The following ABTB2 variants were observed in gnomAD, a reference collection of about 807,000 sequenced individuals.
ABTB2 encodes ankyrin repeat and BTB/POZ domain-containing protein 2.
ABTB2 carries 56 observed loss-of-function variants against 104.1 expected under a neutral mutation model. That is an observed-to-expected ratio of 0.54 (90% CI 0.43 to 0.67). The LOEUF (loss-of-function observed/expected upper bound fraction) is 0.67. Among genes scored for constraint, ABTB2 ranks in the 30% least tolerant of loss-of-function variants. The pLI, the probability that ABTB2 is intolerant of heterozygous loss-of-function variation, is 0.00. For missense variants in ABTB2, 1,279 were observed against 1,407.7 expected (o/e 0.91, Z 1.46); for synonymous variants, 606 against 608.2 (o/e 1.00, Z 0.05).
chr11:34,162,312 A>G (rs1852731809), intron 10 of ABTB2, among the ~76,000 whole-genome samples: 1 of 152,210 alleles, frequency 6.6e-6, no homozygotes, highest in Admixed American at 6.5e-5. Flanking sequence ...CCAGCCAGGC[A>G]GGGTGGAGGG....
intron 14 of ABTB2, among the ~76,000 whole-genome samples, chr11:34,157,134 C>A (rs1230452554): frequency 1.3e-5 from 2 of 152,336 alleles, no homozygotes; most frequent in East Asian, 3.9e-4. Context: ...TGACCCCAGA[C>A]TGATGGCTTC....
chr11:34,251,407 A>G (rs1186544303), intron 1 of ABTB2, among the ~76,000 whole-genome samples: 2 of 152,194 alleles, frequency 1.3e-5, no homozygotes, highest in South Asian at 4.1e-4. Flanking sequence ...AGAGAAATAC[A>G]GCCAGAAACA....
At chr11:34,256,184 C>T (rs941084105) in intron 1 of ABTB2, among the ~76,000 whole-genome samples, 3 of 151,910 alleles carry the variant, frequency 2.0e-5, no homozygotes, top group Non-Finnish European at 4.4e-5. Flanking sequence ...GCGGGGGGCA[C>T]CTAGAGACAA....
At chr11:34,229,562 T>C (rs561760392) in intron 1 of ABTB2, among the ~76,000 whole-genome samples, 2 of 152,076 alleles carry the variant, frequency 1.3e-5, no homozygotes, top group African/African-American at 4.8e-5. Flanking sequence ...TGGGTTTCCT[T>C]AAAACAAGTG....
chr11:34,230,884 T>C (rs767931371), intron 1 of ABTB2, among the ~76,000 whole-genome samples: 1 of 152,222 alleles, frequency 6.6e-6, no homozygotes, highest in Non-Finnish European at 1.5e-5. Flanking sequence ...TTTTTCTTTT[T>C]CTTTTTTGTA....
intron 14 of ABTB2, among the ~76,000 whole-genome samples, chr11:34,157,428 C>T (rs1852644665): frequency 6.6e-6 from 1 of 152,216 alleles, no homozygotes; most frequent in Non-Finnish European, 1.5e-5. Context: ...CCTCCCTTGG[C>T]CTGGCAGGTG....
chr11:34,259,238 G>A (rs1854159728), intron 1 of ABTB2, among the ~76,000 whole-genome samples: 1 of 152,212 alleles, frequency 6.6e-6, no homozygotes, highest in African/African-American at 2.4e-5. Flanking sequence ...AAGCTCATGT[G>A]TCTGGCCTGG....
At chr11:34,277,787 A>G (rs1364318197) in intron 1 of ABTB2, among the ~76,000 whole-genome samples, 1 of 149,654 alleles carries the variant, frequency 6.7e-6, no homozygotes, top group Non-Finnish European at 1.5e-5. Flanking sequence ...ATGAAACAAA[A>G]CAACAGATTC....
At chr11:34,323,736 G>A (rs1324094038) in intron 1 of ABTB2, among the ~76,000 whole-genome samples, 2 of 152,136 alleles carry the variant, frequency 1.3e-5, no homozygotes, top group Non-Finnish European at 2.9e-5. Flanking sequence ...GAGTGACCTA[G>A]TATAGCTTGC....
At chr11:34,346,312 AG>A (rs1350170179) in intron 1 of ABTB2, among the ~76,000 whole-genome samples, 1 of 151,964 alleles carries the variant, frequency 6.6e-6, no homozygotes, top group Non-Finnish European at 1.5e-5. Context: ...TAAATATCCA[AG>A]TCTGGGTAGG....
chr11:34,297,470 T>C (rs1854634945), intron 1 of ABTB2, among the ~76,000 whole-genome samples: 1 of 152,146 alleles, frequency 6.6e-6, no homozygotes, highest in South Asian at 2.1e-4. Context: ...TCAGACTCAG[T>C]GCTATGGTTT....
rs77703127 is a variant in ABTB2, at chr11:34,157,983, T to C, written c.2697+1313A>G. Among the ~76,000 whole-genome samples the C allele has an allele frequency of 5.2e-4, 79 of 152,356 alleles. 1 individual carries two copies. In the East Asian group the frequency reaches 7.1e-3, roughly 14 times the overall value. ...AAGTTACTCAACCTCTCCATGCCTC[T>C]GACTCCTCTACCAAGAGGGGATAAT... On this transcript the variant is annotated intron_variant, in intron 14 of 16. Coordinates refer to ENST00000435224, the MANE Select transcript of ABTB2 (RefSeq NM_145804.3).
In ABTB2 at chr11:34,208,106, T is replaced by G. The variant is rs7106321; in HGVS notation, c.884-3416A>C. ...AAATTCTCTCTCCCACATCAGCTCA[T>G]TCCTCAGCAGTTCTCACCAGAGATG... is the stretch of plus-strand genomic sequence containing the variant. On this transcript the variant is annotated intron_variant, in intron 1 of 16. Coordinates refer to ENST00000435224, the MANE Select transcript of ABTB2 (RefSeq NM_145804.3). Among the ~76,000 whole-genome samples, 77 of 152,328 alleles carry G rather than the reference T, an allele frequency of 5.1e-4. 1 individual carries two copies. Among genetic ancestry groups the G allele is most frequent in the African/African-American group, 1.7e-3 (72 of 41,586 alleles).
intron 5 of ABTB2, among the ~76,000 whole-genome samples, chr11:34,169,632 C>T (rs1852842387): frequency 6.6e-6 from 1 of 152,174 alleles, no homozygotes; most frequent in Non-Finnish European, 1.5e-5. Context: ...TCCCACAAAG[C>T]CCGGGAACCT....
chr11:34,222,940 C>T (rs942761403), intron 1 of ABTB2, among the ~76,000 whole-genome samples: 1 of 152,210 alleles, frequency 6.6e-6, no homozygotes, highest in Admixed American at 6.5e-5. Flanking sequence ...CTGGGGAGCA[C>T]CTTCTTCTTG....
chr11:34,299,980 A>G (rs1398774803), intron 1 of ABTB2, among the ~76,000 whole-genome samples: 1 of 152,206 alleles, frequency 6.6e-6, no homozygotes, highest in Admixed American at 6.5e-5. Flanking sequence ...GAATGAGTCA[A>G]GAATAAAGTA....
intron 1 of ABTB2, among the ~76,000 whole-genome samples, chr11:34,210,075 G>A (rs1361966381): frequency 2.0e-5 from 3 of 152,148 alleles, no homozygotes; most frequent in Admixed American, 1.3e-4. Context: ...TTAGCTTGCA[G>A]AGGCGCTGTC....
chr11:34,291,427 CAG>C (rs1854564350), intron 1 of ABTB2, among the ~76,000 whole-genome samples: 1 of 152,214 alleles, frequency 6.6e-6, no homozygotes, highest in Non-Finnish European at 1.5e-5. Flanking sequence ...CAGAGTAGAA[CAG>C]AGATGGCACA....
intron 14 of ABTB2, among the ~76,000 whole-genome samples, chr11:34,156,891 T>C (rs183255653): frequency 2.0e-5 from 3 of 152,234 alleles, no homozygotes; most frequent in African/African-American, 4.8e-5. Context: ...TTCAAAAATA[T>C]TAAAATCAAT....
Sources: allele counts gnomAD v4.1 joint callset (sites outside exome capture counted in the v4.1 genomes callset), GRCh38; gene constraint gnomAD v4.1.1; transcripts MANE v1.5; gene names NCBI Gene and HGNC (gene_info 2026-07-23, HGNC 2026-07-21).